Variants in GSG1L observed in about 807,000 individuals in gnomAD.
GSG1L encodes GSG1 like.
In GSG1L, 24 loss-of-function variants were observed where a neutral mutation model predicts 42.1. The ratio of observed to expected loss-of-function variants is 0.57; its 90% confidence interval spans 0.41 to 0.80. The LOEUF is 0.80. Ranked by LOEUF, GSG1L falls within the 30% of genes least tolerant of loss-of-function variation. The pLI is 0.00. For missense variants in GSG1L, 445 were observed against 472.2 expected (o/e 0.94, Z 0.53); for synonymous variants, 215 against 203.5 (o/e 1.06, Z -0.48).
intron 1 of GSG1L, among the ~76,000 whole-genome samples, chr16:28,014,938 G>T (rs2085763465): frequency 6.6e-6 from 1 of 152,172 alleles, no homozygotes; most frequent in African/African-American, 2.4e-5. Flanking sequence ...GTACTAACCT[G>T]GCCCCTGCCC....
At chr16:27,966,288 TTAA>T (rs2085132573) in intron 1 of GSG1L, among the ~76,000 whole-genome samples, 2 of 152,186 alleles carry the variant, frequency 1.3e-5, no homozygotes, top group Non-Finnish European at 2.9e-5. Flanking sequence ...CAGTGACTGC[TTAA>T]TAAATATTTT....
chr16:28,023,749 G>C (rs1466343171), intron 1 of GSG1L, among the ~76,000 whole-genome samples: 1 of 152,228 alleles, frequency 6.6e-6, no homozygotes, highest in Non-Finnish European at 1.5e-5. Context: ...CAAGAAAGTG[G>C]CATGGTGATT....
chr16:28,027,030 C>T (rs1006466043), intron 1 of GSG1L, among the ~76,000 whole-genome samples: 5 of 152,136 alleles, frequency 3.3e-5, no homozygotes, highest in African/African-American at 1.2e-4. Context: ...TGCAGTGAGT[C>T]GAAATAGCAC....
intron 4 of GSG1L, among the ~76,000 whole-genome samples, chr16:27,838,368 C>T (rs531266495): frequency 2.8e-4 from 42 of 152,154 alleles, no homozygotes; most frequent in Non-Finnish European, 5.6e-4. Flanking sequence ...AGGGCCCCAA[C>T]GCACCCACAA....
At chr16:27,879,043 G>A (rs751435232) in intron 3 of GSG1L, among the ~76,000 whole-genome samples, 31 of 152,118 alleles carry the variant, frequency 2.0e-4, no homozygotes, top group Non-Finnish European at 4.0e-4. Context: ...TCAAGGCTGG[G>A]GGGTTTTTGA....
chr16:27,813,789 G>A (rs948246302), intron 5 of GSG1L, among the ~76,000 whole-genome samples: 2 of 152,244 alleles, frequency 1.3e-5, no homozygotes, highest in African/African-American at 2.4e-5. Context: ...AACACGGAGG[G>A]GACAAGGGTA....
At chr16:28,051,657 G>A (rs780478859) in intron 1 of GSG1L, among the ~76,000 whole-genome samples, 3 of 152,208 alleles carry the variant, frequency 2.0e-5, no homozygotes, top group Non-Finnish European at 2.9e-5. Context: ...TCAGGCTAAG[G>A]GAGCTGCACG....
At chr16:27,834,137 T>A (rs11648533) in intron 4 of GSG1L, among the ~76,000 whole-genome samples, 13,917 of 152,208 alleles carry the variant, frequency 0.091, 733 homozygotes, top group African/African-American at 0.13. Context: ...GAGAGTTTTT[T>A]AAAAAGTATG....
At chr16:27,966,893 T>A (rs962309715) in intron 1 of GSG1L, among the ~76,000 whole-genome samples, 1 of 152,028 alleles carries the variant, frequency 6.6e-6, no homozygotes, top group Non-Finnish European at 1.5e-5. Context: ...ACAGCAACAA[T>A]CACATGGGGC....
intron 1 of GSG1L, among the ~76,000 whole-genome samples, chr16:28,011,289 C>T (rs1596699166): frequency 6.6e-6 from 1 of 152,234 alleles, no homozygotes; most frequent in African/African-American, 2.4e-5. Flanking sequence ...CCGAGAGAGC[C>T]TCCCAGCCCA....
At chr16:27,876,441 T>A (rs2083887862) in intron 3 of GSG1L, among the ~76,000 whole-genome samples, 1 of 152,202 alleles carries the variant, frequency 6.6e-6, no homozygotes, top group Admixed American at 6.5e-5. Context: ...AGAACTTAGA[T>A]CTGAGCTTCC....
intron 1 of GSG1L, among the ~76,000 whole-genome samples, chr16:28,021,255 G>T (rs904976066): frequency 6.6e-6 from 1 of 152,132 alleles, no homozygotes; most frequent in Non-Finnish European, 1.5e-5. Context: ...CAAGTACACA[G>T]ACTTATCAGG....
intron 3 of GSG1L, among the ~76,000 whole-genome samples, chr16:27,861,238 G>A (rs1232929670): frequency 3.3e-5 from 5 of 152,068 alleles, no homozygotes; most frequent in East Asian, 1.9e-4. Context: ...TTAGCCAGGC[G>A]TGGTGGTGTG....
In GSG1L at chr16:27,788,203, T is replaced by G. The variant is rs542558666; in HGVS notation, c.*3167A>C. On this transcript the variant is annotated 3_prime_UTR_variant, in exon 7 of 7. Transcript: ENST00000447459. ...GTCACCAACTTTCCTCTTCTCCCAC[T>G]CAGTCTATTCCCTCCTAATTGGTTC... 2 of 152,240 alleles carry G rather than the reference T, an allele frequency of 1.3e-5. No individual in the cohort carries two copies. The highest frequency in any genetic ancestry group is 4.2e-4 in the South Asian group (2 of 4,814). 9.4% of individuals were successfully genotyped at this position (152,240 alleles called of 1,614,324 possible).
At chr16:27,887,296 T>C (rs961264804) in intron 2 of GSG1L, among the ~76,000 whole-genome samples, 2 of 152,108 alleles carry the variant, frequency 1.3e-5, no homozygotes, top group Non-Finnish European at 2.9e-5. Context: ...GCTAGAAGGA[T>C]GTAAAGATGG....
chr16:27,821,991 C>T (rs1298367676), intron 5 of GSG1L, among the ~76,000 whole-genome samples: 2 of 151,884 alleles, frequency 1.3e-5, no homozygotes, highest in Non-Finnish European at 2.9e-5. Flanking sequence ...CCAGATTCTC[C>T]AAGGACTACC....
intron 2 of GSG1L, among the ~76,000 whole-genome samples, chr16:27,918,667 G>A (rs200472498): frequency 8.8e-4 from 125 of 141,400 alleles, no homozygotes; most frequent in South Asian, 9.0e-4. Context: ...TCAAAAAAAA[G>A]AAAAAAAAAA....
intron 3 of GSG1L, among the ~76,000 whole-genome samples, chr16:27,870,971 T>C (rs1416110071): frequency 6.7e-6 from 1 of 149,604 alleles, no homozygotes; most frequent in East Asian, 1.9e-4. Flanking sequence ...AGACTCACCC[T>C]GACCTTGTCA....
intron 3 of GSG1L, among the ~76,000 whole-genome samples, chr16:27,881,652 T>C (rs544956647): frequency 6.6e-6 from 1 of 152,212 alleles, no homozygotes; most frequent in Non-Finnish European, 1.5e-5. Flanking sequence ...TCCCCACTAC[T>C]GTGATTTGTT....
Sources: allele counts gnomAD v4.1 joint callset (sites outside exome capture counted in the v4.1 genomes callset), GRCh38; gene constraint gnomAD v4.1.1; transcripts MANE v1.5; gene names NCBI Gene and HGNC (gene_info 2026-07-23, HGNC 2026-07-21).